ANKFN1: variants seen among roughly 807,000 people sequenced by gnomAD.
ANKFN1 encodes the protein ankyrin repeat and fibronectin type-III domain-containing protein 1.
In ANKFN1, 74 loss-of-function variants were observed where a neutral mutation model predicts 108.7. The ratio of observed to expected loss-of-function variants is 0.68; its 90% CI spans 0.56 to 0.83. The LOEUF is 0.83. ANKFN1 is among the 40% of genes least tolerant of loss of function. ANKFN1 has a pLI of 0.00. For synonymous variants in ANKFN1, 547 were observed against 516.2 expected (o/e 1.06, Z -0.81); for missense variants, 1,505 against 1,382.3 (o/e 1.09, Z -1.41).
At chr17:56,368,032 A>T in intron 6 of ANKFN1, 2 of 384,350 alleles carry the variant, frequency 5.2e-6, no homozygotes, top group Non-Finnish European at 8.6e-6. Context: ...CTTCATCTTT[A>T]AAATAAGGAA....
intron 1 of ANKFN1, among the ~76,000 whole-genome samples, chr17:56,194,968 C>T (rs1228062342): frequency 6.6e-6 from 1 of 152,192 alleles, no homozygotes; most frequent in African/African-American, 2.4e-5. Flanking sequence ...CATCTCTGTT[C>T]TCTATGACTC....
chr17:56,236,490 C>T (rs1442662414), intron 3 of ANKFN1, among the ~76,000 whole-genome samples: 1 of 152,066 alleles, frequency 6.6e-6, no homozygotes, highest in African/African-American at 2.4e-5. Flanking sequence ...TGAATCTTGG[C>T]TTGTCTGTTG....
chr17:56,447,251 C>T (rs1395684712), intron 10 of ANKFN1, among the ~76,000 whole-genome samples: 1 of 152,008 alleles, frequency 6.6e-6, no homozygotes, highest in Admixed American at 6.6e-5. Flanking sequence ...AAAGAAAAAC[C>T]TCACTTTACA....
chr17:56,419,960 TAATA>T (rs746768057), intron 8 of ANKFN1, among the ~76,000 whole-genome samples: 1 of 152,202 alleles, frequency 6.6e-6, no homozygotes, highest in Non-Finnish European at 1.5e-5. Context: ...GACAATCTTT[TAATA>T]ACCTGGTTCC....
chr17:56,162,273 G>A lies in ANKFN1; in HGVS notation c.-71+8743G>A, dbSNP rs143887417. On this transcript the variant is annotated intron_variant, in intron 1 of 20. Transcript: ENST00000682825. ...CATCTATGTTTATTTGCTTAGGGCC[G>A]CCTCACAAACTACCATAGACTGAGT... is the stretch of plus-strand genomic sequence containing the variant. 1.2e-4 allele frequency among the ~76,000 whole-genome samples: 18 copies of A among 152,302 alleles called. No individual in the cohort carries two copies. The East Asian group carries it at 2.9e-3, about 24-fold the overall frequency.
At chr17:56,502,596 G>C (rs554240769) in intron 20 of ANKFN1, among the ~76,000 whole-genome samples, 2 of 152,188 alleles carry the variant, frequency 1.3e-5, no homozygotes, top group Non-Finnish European at 2.9e-5. Context: ...AAGCATTTCA[G>C]AGCAATGAAA....
At chr17:56,188,584 T>TAC (rs1912531391) in intron 1 of ANKFN1, among the ~76,000 whole-genome samples, 2 of 111,878 alleles carry the variant, frequency 1.8e-5, no homozygotes, top group South Asian at 2.7e-4. Flanking sequence ...TGTGTGTGTA[T>TAC]ATATATATAT....
At chr17:56,500,501 G>T (rs1486717141) in intron 20 of ANKFN1, among the ~76,000 whole-genome samples, 1 of 152,182 alleles carries the variant, frequency 6.6e-6, no homozygotes. Context: ...GCTAATAAGA[G>T]AAACAGATAT....
intron 3 of ANKFN1, among the ~76,000 whole-genome samples, chr17:56,313,044 A>C (rs2045085826): frequency 6.6e-6 from 1 of 151,534 alleles, no homozygotes. Context: ...AATCCCAGCT[A>C]TTCAGGAGGC....
At chr17:56,450,130 G>T (rs542985878) in intron 11 of ANKFN1, among the ~76,000 whole-genome samples, 39 of 152,326 alleles carry the variant, frequency 2.6e-4, no homozygotes, top group African/African-American at 9.4e-4. Flanking sequence ...TGCTGGAACA[G>T]CTGGGTAAGA....
intron 4 of ANKFN1, among the ~76,000 whole-genome samples, chr17:56,123,839 C>CAGAGAGAGAG (rs72419531): frequency 1.4e-5 from 2 of 142,448 alleles, no homozygotes; most frequent in Non-Finnish European, 3.1e-5. Flanking sequence ...GAGAGAGACA[C>CAGAGAGAGAG]AGAGAGAGAG....
chr17:56,426,473 A>G (rs1317850704), intron 8 of ANKFN1, among the ~76,000 whole-genome samples: 1 of 152,218 alleles, frequency 6.6e-6, no homozygotes, highest in Non-Finnish European at 1.5e-5. Context: ...CTACCAGTTA[A>G]GCAGATGAGC....
At chr17:56,333,212 G>A (rs1161959851) in intron 4 of ANKFN1, among the ~76,000 whole-genome samples, 1 of 151,972 alleles carries the variant, frequency 6.6e-6, no homozygotes. Context: ...AATAGAAAAA[G>A]TAGGAGTAGA....
At chr17:56,272,641 T>C (rs1490514843) in intron 3 of ANKFN1, among the ~76,000 whole-genome samples, 1 of 152,198 alleles carries the variant, frequency 6.6e-6, no homozygotes, top group Non-Finnish European at 1.5e-5. Flanking sequence ...TGAAGATGGG[T>C]TGCTATGAGA....
chr17:56,383,435 C>G (rs906500970), intron 8 of ANKFN1, among the ~76,000 whole-genome samples: 26 of 151,982 alleles, frequency 1.7e-4, no homozygotes, highest in Admixed American at 5.9e-4. Context: ...AAAGCAAGAG[C>G]AAACACATTC....
rs537299341 is a variant in ANKFN1, at chr17:56,222,287, C to T, written c.13-5630C>T. Among the ~76,000 whole-genome samples, 212 of 152,306 alleles carry T rather than the reference C, an allele frequency of 1.4e-3. 1 individual carries two copies. The highest frequency in any genetic ancestry group is 4.8e-3 in the African/African-American group (201 of 41,564). ...CCAGGCTGTTCACCAGGAAAATATT[C>T]CTCCTTTGCCTCTCACAACTTGCAG... On this transcript the variant is annotated intron_variant, in intron 2 of 20. Transcript: ENST00000682825.
intron 20 of ANKFN1, among the ~76,000 whole-genome samples, chr17:56,500,210 C>A (rs1217028521): frequency 6.6e-6 from 1 of 152,116 alleles, no homozygotes; most frequent in African/African-American, 2.4e-5. Flanking sequence ...AATATATTGT[C>A]AATACCCTAT....
At chr17:56,106,861 TGG>T (rs1905761886) in intron 4 of ANKFN1, among the ~76,000 whole-genome samples, 1 of 152,160 alleles carries the variant, frequency 6.6e-6, no homozygotes, top group Non-Finnish European at 1.5e-5. Context: ...TGATTGTTAT[TGG>T]GAGCCAGCTT....
intron 4 of ANKFN1, among the ~76,000 whole-genome samples, chr17:56,100,276 G>A (rs1905618150): frequency 6.6e-6 from 1 of 152,182 alleles, no homozygotes; most frequent in Admixed American, 6.5e-5. Flanking sequence ...AAATGAGATT[G>A]TGGAAGGAGC....
Sources: gnomAD v4.1 joint callset for allele counts (sites outside exome capture counted in the v4.1 genomes callset) on GRCh38, gnomAD v4.1.1 for gene constraint, MANE v1.5 for transcripts, NCBI Gene and HGNC (gene_info 2026-07-23, HGNC 2026-07-21) for gene names.